Variants in MOV10L1 observed in about 807,000 individuals in gnomAD.
MOV10L1 encodes the protein Mov10 like RNA helicase 1.
A neutral mutation model predicts 143.8 loss-of-function variants in MOV10L1; 110 were observed. The observed-to-expected ratio is 0.76, with a 90% CI of 0.66 to 0.90. The LOEUF (loss-of-function observed/expected upper bound fraction) is 0.90. MOV10L1 is among the 40% of genes least tolerant of loss of function. The pLI, the probability that MOV10L1 is intolerant of heterozygous loss-of-function variation, is 0.00. For synonymous variants in MOV10L1, 593 were observed against 581.1 expected (o/e 1.02, Z -0.29); for missense variants, 1,406 against 1,526.8 (o/e 0.92, Z 1.32).
intron 22 of MOV10L1, among the ~76,000 whole-genome samples, chr22:50,153,704 C>G (rs146769028): frequency 6.6e-6 from 1 of 152,210 alleles, no homozygotes; most frequent in Admixed American, 6.5e-5. Flanking sequence ...GGGCCACCAC[C>G]CCCTCTCCAA....
At position 50,108,125 on chromosome 22, in the gene MOV10L1, G is replaced by A; in HGVS notation, c.443-11G>A. On this transcript the variant is annotated splice_polypyrimidine_tract_variant and intron_variant, in intron 3 of 26. Transcript: ENST00000262794. Reference sequence around the variant, plus strand: ...TTAACACTACCATGGCTTTTTTCCTGGCGGTTTTAGGCTTCGAGCCCTGCA... The same window carrying A: ...TTAACACTACCATGGCTTTTTTCCTAGCGGTTTTAGGCTTCGAGCCCTGCA... The A allele has an allele frequency of 6.2e-7, 1 of 1,610,160 alleles. No homozygotes were observed. Among genetic ancestry groups the A allele is most frequent in the Non-Finnish European group, 8.5e-7 (1 of 1,177,624 alleles).
At chr22:50,135,233 C>T (rs1313479970) in intron 15 of MOV10L1, among the ~76,000 whole-genome samples, 1 of 151,730 alleles carries the variant, frequency 6.6e-6, no homozygotes, top group Non-Finnish European at 1.5e-5. Flanking sequence ...AGGCTGGTCT[C>T]GATCTCCTGA....
intron 5 of MOV10L1, among the ~76,000 whole-genome samples, chr22:50,110,782 T>G (rs2062003116): frequency 6.6e-6 from 1 of 151,922 alleles, no homozygotes; most frequent in Non-Finnish European, 1.5e-5. Flanking sequence ...ATACAAAAAA[T>G]TAGCCAGGCG....
intron 3 of MOV10L1, among the ~76,000 whole-genome samples, chr22:50,103,279 GT>G (rs1433246428): frequency 6.6e-6 from 1 of 152,358 alleles, no homozygotes; most frequent in East Asian, 1.9e-4. Flanking sequence ...TGCTCCTGAG[GT>G]TTGTAGACAA....
chr22:50,134,477 T>A (rs1008842807), intron 14 of MOV10L1, 53 bp from the exon 15 acceptor site: 4 of 1,464,648 alleles, frequency 2.7e-6, no homozygotes, highest in East Asian at 4.5e-5. Flanking sequence ...TCTATTAATA[T>A]TTTTTTAGCT....
intron 15 of MOV10L1, among the ~76,000 whole-genome samples, chr22:50,137,421 T>A (rs2062849722): frequency 6.6e-6 from 1 of 151,804 alleles, no homozygotes; most frequent in African/African-American, 2.4e-5. Flanking sequence ...GAAGGAAAAA[T>A]TAGTGAACTT....
At chr22:50,115,557 A>T (rs1045791579) in intron 8 of MOV10L1, among the ~76,000 whole-genome samples, 2 of 152,158 alleles carry the variant, frequency 1.3e-5, no homozygotes, top group African/African-American at 2.4e-5. Flanking sequence ...TCTCAAAAAA[A>T]CAAAAAGGTA....
chr22:50,125,442 TGAG>T lies in MOV10L1; in HGVS notation c.1624_1626del (p.Glu542del), dbSNP rs2062470777. On this transcript the variant is annotated inframe_deletion, in exon 11 of 27. Transcript: ENST00000262794. ...AGAAGTTTTCGACTTTGCTGTGGCT[TGAG>T]GAGATTTATGCAGAAATGGAACTGA... 3 of 1,614,228 alleles carry T rather than the reference TGAG, an allele frequency of 1.9e-6. No homozygotes were observed. In the East Asian group the frequency reaches 6.7e-5, roughly 36 times the overall value.
In MOV10L1 at chr22:50,099,551, G is replaced by C. The variant is rs140532446; in HGVS notation, c.391G>C (p.Ala131Pro). The change falls in exon 3 of 27, where the codon GCA becomes CCA. Residue 131 changes from alanine (A) to proline (P), a missense_variant. This residue lies in a region of MOV10L1 where 7 missense variants were observed against 21.4 expected (regional missense o/e 0.33). Coordinates refer to ENST00000262794, the MANE Select transcript of MOV10L1 (RefSeq NM_018995.3). ...IGCVTSLVEG[A>P]GCISQTTYFS... ...CTGTGTGACTTCCCTGGTGGAGGGC[G>C]CAGGCTGTATCAGTCAGACCACCTA... The C allele has an allele frequency of 1.2e-6, 2 of 1,614,196 alleles. No homozygotes were observed. Among genetic ancestry groups the C allele is most frequent in the Non-Finnish European group, 1.7e-6 (2 of 1,180,028 alleles).
rs191509082 is a variant in MOV10L1, at chr22:50,138,640, C to T, written c.2071-3441C>T. Reference sequence around the variant, plus strand: ...AACTAATAAGTGATTTTGCAAGATACAAGATCAGTGTAGAAAAATAAGTTG... The same window carrying T: ...AACTAATAAGTGATTTTGCAAGATATAAGATCAGTGTAGAAAAATAAGTTG... On this transcript the variant is annotated intron_variant, in intron 15 of 26. Transcript: ENST00000262794. 7.4e-4 allele frequency among the ~76,000 whole-genome samples: 113 copies of T among 152,082 alleles called. 2 individuals carry two copies. The highest frequency in any genetic ancestry group is 1.2e-4 in the Non-Finnish European group (8 of 67,992).
At chr22:50,103,644 C>G (rs761002394) in intron 3 of MOV10L1, among the ~76,000 whole-genome samples, 2 of 152,152 alleles carry the variant, frequency 1.3e-5, no homozygotes, top group Non-Finnish European at 2.9e-5. Context: ...TGGCTCTGTC[C>G]CGGCCCTCTT....
At position 50,144,107 on chromosome 22, in the gene MOV10L1, C is replaced by A. The variant is rs751405573; in HGVS notation, c.2369C>A (p.Ala790Asp). 1.2e-6 allele frequency: 2 copies of A among 1,608,634 alleles called. No homozygotes were observed. Among genetic ancestry groups the A allele is most frequent in the East Asian group, 4.5e-5 (2 of 44,696 alleles). ...IIEAVLQVHFALPDSRILVCA... is the reference protein window; with the variant it reads ...IIEAVLQVHFDLPDSRILVCA... ...GTGTCTTTGATGAAGGTACACTTTG[C>A]CTTGCCGGACAGTCGGATTTTAGTC... The change falls in exon 18 of 27, where the codon GCC (alanine) becomes GAC (aspartate). Residue 790 changes from alanine to aspartate, a missense_variant. Ala to Asp is a moderately radical substitution (Grantham distance 126). Around this residue, in one of 3 missense-constraint regions of MOV10L1, gnomAD observed 1,233 missense variants for 1,351.4 expected, o/e 0.91. Coordinates refer to ENST00000262794, the MANE Select transcript of MOV10L1 (RefSeq NM_018995.3).
At chr22:50,161,206 C>T (rs2063551884) in intron 26 of MOV10L1, 151 bp downstream of exon 26, 1 of 1,040,538 alleles carries the variant, frequency 9.6e-7, no homozygotes, top group Non-Finnish European at 1.4e-6. Flanking sequence ...TGGGCTGCAG[C>T]AGCCACTGTT....
Position 50,114,574 on chromosome 22 carries a change from T to G in MOV10L1, c.1078T>G (p.Ser360Ala), listed in dbSNP as rs1172502667. The G allele has an allele frequency of 6.2e-7, 1 of 1,613,988 alleles. No individual in the cohort carries two copies. Among genetic ancestry groups the G allele is most frequent in the Non-Finnish European group, 8.5e-7 (1 of 1,180,036 alleles). The change falls in exon 7 of 27, where the codon TCT becomes GCT. Residue 360 changes from serine to alanine, a missense_variant. By Grantham distance (99) the Ser-to-Ala change is moderately conservative. Coordinates refer to ENST00000262794, the MANE Select transcript of MOV10L1 (RefSeq NM_018995.3). Reference sequence around the variant, plus strand: ...AAATAGCCACACAAAAAACAAAACCTCTCAGATGTCGGAGAGCAGTTTGGT... The same window carrying G: ...AAATAGCCACACAAAAAACAAAACCGCTCAGATGTCGGAGAGCAGTTTGGT... The part of the protein sequence containing the change: ...SLNSHTKNKT[S>A]QMSESSLVNN...
intron 1 of MOV10L1, chr22:50,091,473 G>T (rs2146983451): frequency 6.4e-6 from 1 of 156,376 alleles, no homozygotes. Context: ...GTAATAAAAA[G>T]ATAATCGATA....
Position 50,149,701 on chromosome 22 carries a change from A to G in MOV10L1, c.2714A>G (p.Asp905Gly), listed in dbSNP as rs1255591245. ...CTCATTCCTCTGGGGCTGATGTCGG[A>G]CATCAGTGGCCAGGTAAGTCCCGAC... ...ECLIPLGLMS[D>G]ISGQIVLAGD... The change falls in exon 20 of 27, where the codon GAC becomes GGC. Residue 905 changes from aspartate (D) to glycine (G), a missense_variant. Physicochemically the swap from Asp to Gly is moderately conservative, Grantham distance 94. Coordinates refer to ENST00000262794, the MANE Select transcript of MOV10L1 (RefSeq NM_018995.3). 1 of 1,613,568 alleles carries G rather than the reference A, an allele frequency of 6.2e-7. No individual in the cohort carries two copies. Among genetic ancestry groups the G allele is most frequent in the Non-Finnish European group, 8.5e-7 (1 of 1,179,800 alleles).
At chr22:50,119,741 G>T (rs1203851836) in intron 9 of MOV10L1, among the ~76,000 whole-genome samples, 5 of 151,190 alleles carry the variant, frequency 3.3e-5, no homozygotes, top group African/African-American at 4.9e-5. Context: ...GTTGAGGGCT[G>T]AGCCAGTGGA....
chr22:50,145,897 C>A (rs893812936), intron 19 of MOV10L1, 87 bp downstream of exon 19: 6 of 1,564,558 alleles, frequency 3.8e-6, no homozygotes, highest in Non-Finnish European at 5.2e-6. Flanking sequence ...GGGCGGATGA[C>A]CCAGAGACTC....
intron 26 of MOV10L1, 105 bp downstream of exon 26, chr22:50,161,160 C>T: frequency 8.0e-7 from 1 of 1,249,250 alleles, no homozygotes; most frequent in Non-Finnish European, 1.2e-6. Context: ...CACCTGCAGC[C>T]TTAGCCCTCT....
Sources: gnomAD v4.1 joint callset for allele counts (sites outside exome capture counted in the v4.1 genomes callset) on GRCh38, gnomAD v4.1.1 for gene constraint, gnomAD v4.1.1 regional missense constraint, MANE v1.5 for transcripts, NCBI Gene and HGNC (gene_info 2026-07-23, HGNC 2026-07-21) for gene names.